The following BNC2 variants were observed in gnomAD, a reference collection of about 807,000 sequenced individuals.
BNC2 encodes zinc finger protein basonuclin-2.
Under a neutral mutation model 76.3 loss-of-function variants are expected in BNC2, and 20 were observed. The ratio of observed to expected loss-of-function variants is 0.26; its 90% CI spans 0.18 to 0.38. The LOEUF (loss-of-function observed/expected upper bound fraction) is 0.38. Among genes scored for constraint, BNC2 ranks in the 10% least tolerant of loss-of-function variants. BNC2 has a pLI of 1.00. For synonymous variants in BNC2, 582 were observed against 514.8 expected (o/e 1.13, Z -1.77); for missense variants, 1,382 against 1,399.8 (o/e 0.99, Z 0.20).
At chr9:16,648,856 C>T (rs530142953) in intron 3 of BNC2, among the ~76,000 whole-genome samples, 33 of 152,184 alleles carry the variant, frequency 2.2e-4, no homozygotes, top group African/African-American at 7.5e-4. Context: ...AGAATTATGC[C>T]CTCTAAAGGT....
intron 5 of BNC2, among the ~76,000 whole-genome samples, chr9:16,511,322 G>T (rs1483993144): frequency 6.6e-6 from 1 of 151,276 alleles, no homozygotes; most frequent in Non-Finnish European, 1.5e-5. Flanking sequence ...TGTTACCCAG[G>T]CTGGTCTTGA....
At chr9:16,640,096 A>C (rs1431814538) in intron 3 of BNC2, among the ~76,000 whole-genome samples, 1 of 152,176 alleles carries the variant, frequency 6.6e-6, no homozygotes, top group African/African-American at 2.4e-5. Context: ...TCTTCACAAA[A>C]AAAAAAATAG....
At chr9:16,651,844 G>C (rs1821802697) in intron 3 of BNC2, among the ~76,000 whole-genome samples, 1 of 152,110 alleles carries the variant, frequency 6.6e-6, no homozygotes, top group Admixed American at 6.6e-5. Flanking sequence ...AGTAAATCAA[G>C]TGACTATAAC....
chr9:16,585,868 T>C (rs1286677811), intron 3 of BNC2, among the ~76,000 whole-genome samples: 1 of 151,996 alleles, frequency 6.6e-6, no homozygotes, highest in African/African-American at 2.4e-5. Flanking sequence ...TCCAACCCTC[T>C]TCTGGGCACT....
intron 3 of BNC2, among the ~76,000 whole-genome samples, chr9:16,684,406 G>C (rs1291581493): frequency 6.6e-6 from 1 of 152,086 alleles, no homozygotes; most frequent in Non-Finnish European, 1.5e-5. Flanking sequence ...GACAGTACCA[G>C]TTTGGGGCAC....
intron 3 of BNC2, among the ~76,000 whole-genome samples, chr9:16,667,886 C>T (rs988837159): frequency 6.6e-6 from 1 of 152,174 alleles, no homozygotes; most frequent in Non-Finnish European, 1.5e-5. Flanking sequence ...TCTATTTGCA[C>T]CCCAAAACAC....
chr9:16,725,480 T>C (rs767746059), intron 3 of BNC2, among the ~76,000 whole-genome samples: 1 of 151,846 alleles, frequency 6.6e-6, no homozygotes, highest in Non-Finnish European at 1.5e-5. Flanking sequence ...AAAAGGTGGG[T>C]TGGGGGGATA....
intron 5 of BNC2, among the ~76,000 whole-genome samples, chr9:16,511,105 C>CTTTTTTTT (rs34511398): frequency 1.6e-5 from 2 of 125,240 alleles, no homozygotes; most frequent in African/African-American, 5.9e-5. Context: ...ACTAAACTTA[C>CTTTTTTTT]TTTTTTTTTT....
Position 16,525,673 on chromosome 9 carries a change from G to C in BNC2, c.669+26857C>G, listed in dbSNP as rs538019932. Among the ~76,000 whole-genome samples the C allele has an allele frequency of 5.9e-5, 9 of 152,258 alleles. No homozygotes were observed. In the South Asian group the frequency reaches 1.7e-3, roughly 28 times the overall value. On this transcript the variant is annotated intron_variant, in intron 5 of 6. Coordinates refer to ENST00000380672, the MANE Select transcript of BNC2 (RefSeq NM_017637.6). The stretch of plus-strand genomic sequence containing the variant: ...TCCATACAATGCAGCTGTTAAAAAA[G>C]AATGAGGTAGCTCTTTATGTGCTGA...
chr9:16,834,849 A>G (rs1173349421), intron 1 of BNC2, among the ~76,000 whole-genome samples: 3 of 152,136 alleles, frequency 2.0e-5, no homozygotes, highest in Non-Finnish European at 4.4e-5. Flanking sequence ...ATCTCCGCAT[A>G]TTAGTTTTGC....
chr9:16,589,141 G>T (rs1393842591), intron 3 of BNC2, among the ~76,000 whole-genome samples: 1 of 152,052 alleles, frequency 6.6e-6, no homozygotes, highest in African/African-American at 2.4e-5. Context: ...TCCCTTCATG[G>T]GTTCATTAAC....
chr9:16,824,433 G>A (rs542748332), intron 1 of BNC2, among the ~76,000 whole-genome samples: 9 of 152,248 alleles, frequency 5.9e-5, no homozygotes, highest in South Asian at 2.1e-4. Context: ...ACTCTTTCAA[G>A]TAAAATCTAC....
chr9:16,811,442 C>T (rs2135852059), intron 1 of BNC2, among the ~76,000 whole-genome samples: 1 of 148,414 alleles, frequency 6.7e-6, no homozygotes, highest in Non-Finnish European at 1.5e-5. Context: ...ATGCCAGCTA[C>T]TCAGGAGGCT....
At chr9:16,455,443 A>T (rs183558789) in intron 5 of BNC2, among the ~76,000 whole-genome samples, 11 of 152,338 alleles carry the variant, frequency 7.2e-5, no homozygotes, top group Admixed American at 2.0e-4. Flanking sequence ...TGGGGGGAGT[A>T]GGGGAAAGCA....
chr9:16,497,940 C>G (rs1378956409), intron 5 of BNC2, among the ~76,000 whole-genome samples: 1 of 150,444 alleles, frequency 6.6e-6, no homozygotes, highest in East Asian at 2.0e-4. Context: ...GGAACCAACC[C>G]AAATGCCCAC....
At chr9:16,661,665 A>G (rs1345272268) in intron 3 of BNC2, among the ~76,000 whole-genome samples, 2 of 152,076 alleles carry the variant, frequency 1.3e-5, no homozygotes, top group African/African-American at 4.8e-5. Flanking sequence ...TCTTATTTTC[A>G]TGTCTATTTC....
At chr9:16,541,571 T>C (rs1410208291) in intron 5 of BNC2, among the ~76,000 whole-genome samples, 1 of 152,186 alleles carries the variant, frequency 6.6e-6, no homozygotes. Flanking sequence ...GACAAGTAGC[T>C]CTTAATTACT....
intron 2 of BNC2, among the ~76,000 whole-genome samples, chr9:16,730,867 TA>T (rs1345911315): frequency 1.3e-5 from 2 of 152,218 alleles, no homozygotes; most frequent in East Asian, 3.8e-4. Flanking sequence ...AACACAAATT[TA>T]CAAAGAGGAC....
At chr9:16,553,995 A>G (rs1162030662) in intron 4 of BNC2, among the ~76,000 whole-genome samples, 1 of 152,212 alleles carries the variant, frequency 6.6e-6, no homozygotes, top group African/African-American at 2.4e-5. Flanking sequence ...AGATGAACAC[A>G]TAAGCCTGAA....
Sources: gnomAD v4.1 joint callset for allele counts (sites outside exome capture counted in the v4.1 genomes callset) on GRCh38, gnomAD v4.1.1 for gene constraint, MANE v1.5 for transcripts, NCBI Gene and HGNC (gene_info 2026-07-23, HGNC 2026-07-21) for gene names.